The following POSTN variants were observed in gnomAD, a reference collection of about 807,000 sequenced individuals.
POSTN encodes periostin.
A neutral mutation model predicts 104.5 loss-of-function variants in POSTN; 71 were observed. That is an observed-to-expected ratio of 0.68 (90% confidence interval 0.56 to 0.83). The LOEUF (loss-of-function observed/expected upper bound fraction) is 0.83. POSTN is among the 40% of genes least tolerant of loss of function. POSTN has a pLI of 0.00. For synonymous variants in POSTN, 355 were observed against 340.7 expected (o/e 1.04, Z -0.46); for missense variants, 949 against 1,006.8 (o/e 0.94, Z 0.78).
In POSTN at chr13:37,582,260, A is replaced by G. The variant is rs1172073630; in HGVS notation, c.1392+106T>C. On this transcript the variant is annotated intron_variant, in intron 10 of 22. Coordinates refer to ENST00000379747, the MANE Select transcript of POSTN (RefSeq NM_006475.3). ...CCAGTTCCCTGATGCTTCTATGAAT[A>G]TTTACTATTAGAACCACACTCATAA... 3.1e-6 allele frequency: 4 copies of G among 1,295,508 alleles called. No individual in the cohort carries two copies. The African/African-American group carries it at 4.5e-5, about 14-fold the overall frequency. The allele number at this position is 1,295,508 out of a possible 1,614,324, so 80.3% of individuals were successfully genotyped here.
chr13:37,575,300 G>C (rs1054761229), intron 16 of POSTN, among the ~76,000 whole-genome samples: 1 of 148,942 alleles, frequency 6.7e-6, no homozygotes, highest in African/African-American at 2.5e-5. Flanking sequence ...TAATTTAAAG[G>C]TATATATTTT....
At chr13:37,580,865 C>T (rs1950565487) in intron 10 of POSTN, among the ~76,000 whole-genome samples, 168 bp from the exon 11 acceptor site, 1 of 152,170 alleles carries the variant, frequency 6.6e-6, no homozygotes, top group Non-Finnish European at 1.5e-5. Context: ...CACACAAACT[C>T]ACAAGACACT....
intron 4 of POSTN, among the ~76,000 whole-genome samples, chr13:37,589,878 C>G (rs949746600): frequency 6.6e-6 from 1 of 151,998 alleles, no homozygotes; most frequent in African/African-American, 2.4e-5. Flanking sequence ...GTCTGAAAAT[C>G]AAATGTATTT....
intron 21 of POSTN, among the ~76,000 whole-genome samples, chr13:37,566,426 A>G (rs1197604317): frequency 6.6e-6 from 1 of 152,156 alleles, no homozygotes; most frequent in African/African-American, 2.4e-5. Context: ...TGTTAATGTC[A>G]ATTGATGATT....
chr13:37,597,415 A>G, intron 1 of POSTN, 133 bp from the exon 2 acceptor site: 1 of 626,066 alleles, frequency 1.6e-6, no homozygotes, highest in Admixed American at 3.8e-5. Context: ...AGCCTTGCAC[A>G]AATCTAATTA....
rs191448487 is a variant in POSTN, at chr13:37,580,609, G to C, written c.1481C>G (p.Pro494Arg). The C allele has an allele frequency of 4.3e-6, 7 of 1,613,990 alleles. No individual in the cohort carries two copies. The East Asian group carries it at 1.6e-4, about 36-fold the overall frequency. ...CTTTTCATGGAGGGATTTCTCTGCT[G>C]GCTTGATGATCTCGCGGAATATGTG... The part of the protein sequence containing the change: ...AIHIFREIIK[P>R]AEKSLHEKLK... The change falls in exon 11 of 23, where the codon CCA becomes CGA. Residue 494 changes from proline (P) to arginine (R), a missense_variant. By Grantham distance (103) the Pro-to-Arg change is moderately radical. Transcript: ENST00000379747.
At chr13:37,574,769 A>G in intron 16 of POSTN, 117 bp from the exon 17 acceptor site, 1 of 1,301,606 alleles carries the variant, frequency 7.7e-7, no homozygotes, top group South Asian at 1.7e-5. Flanking sequence ...AGGATGTGGT[A>G]ATATGTTCAG....
intron 2 of POSTN, among the ~76,000 whole-genome samples, chr13:37,593,789 A>G (rs1240076748): frequency 6.6e-6 from 1 of 151,604 alleles, no homozygotes; most frequent in African/African-American, 2.4e-5. Context: ...ATGATATAAA[A>G]GATGATTTTA....
intron 3 of POSTN, 32 bp from the exon 4 acceptor site, chr13:37,590,561 G>A (rs914456575): frequency 6.5e-7 from 1 of 1,532,798 alleles, no homozygotes; most frequent in African/African-American, 1.4e-5. Flanking sequence ...TCAGTACTGG[G>A]GATAATATTC....
At position 37,590,321 on chromosome 13, in the gene POSTN, AAATAAC is replaced by A. The variant is rs777704760; in HGVS notation, c.441+45_441+50del. ...CCAAGTTAATAAGTCAGTTAAAATG[AAATAAC>A]AATAACAGCAAAAAATAAATATATT... On this transcript the variant is annotated intron_variant, in intron 4 of 22. Coordinates refer to ENST00000379747, the MANE Select transcript of POSTN (RefSeq NM_006475.3). 5.0e-6 allele frequency: 7 copies of A among 1,398,452 alleles called. No individual in the cohort carries two copies. In the South Asian group the frequency reaches 5.8e-5, roughly 11 times the overall value. The allele number at this position is 1,398,452 out of a possible 1,614,324, so 86.6% of individuals were successfully genotyped here. A position where few individuals can be genotyped will look rare whatever the true frequency, so the allele number is the denominator to read the frequency against.
intron 17 of POSTN, among the ~76,000 whole-genome samples, chr13:37,574,321 G>T (rs189955745): frequency 6.6e-6 from 1 of 151,828 alleles, no homozygotes; most frequent in Non-Finnish European, 1.5e-5. Flanking sequence ...CTAAGTTAAT[G>T]CAATGCCAAT....
rs1950768178 is a variant in POSTN, at chr13:37,587,055, T to C, written c.607-127A>G. On this transcript the variant is annotated intron_variant, in intron 5 of 22. Coordinates refer to ENST00000379747, the MANE Select transcript of POSTN (RefSeq NM_006475.3). ...AACATACAGGAAACTACATTGTAAA[T>C]GTAAACGCTGTGGATGAAGATTTAC... 4 of 751,162 alleles carry C rather than the reference T, an allele frequency of 5.3e-6. No individual in the cohort carries two copies. In the South Asian group the frequency reaches 5.4e-5, roughly 10 times the overall value. The allele number at this position is 751,162 out of a possible 1,614,324, so 46.5% of individuals were successfully genotyped here.
chr13:37,586,732 G>C (rs1950756994), intron 6 of POSTN, 50 bp downstream of exon 6: 5 of 1,517,392 alleles, frequency 3.3e-6, no homozygotes, highest in Non-Finnish European at 4.5e-6. Flanking sequence ...ATTTTGACAG[G>C]AGAAGAAGAG....
chr13:37,588,627 TA>T, intron 4 of POSTN, among the ~76,000 whole-genome samples: 1 of 152,302 alleles, frequency 6.6e-6, no homozygotes. Flanking sequence ...AGTTTGGAGA[TA>T]GACCATGAGA....
At chr13:37,592,281 GT>G (rs67303425) in intron 2 of POSTN, 117 bp from the exon 3 acceptor site, 358,748 of 635,130 alleles carry the variant, frequency 0.56, 104,397 homozygotes, top group East Asian at 0.79. Context: ...TAAAAATCAG[GT>G]TTTTTTTCCC....
intron 17 of POSTN, among the ~76,000 whole-genome samples, chr13:37,572,531 A>G (rs1950291335): frequency 1.3e-5 from 2 of 151,644 alleles, no homozygotes; most frequent in Admixed American, 1.3e-4. Context: ...TTAATAAAAT[A>G]TCTAAATCAA....
chr13:37,581,437 G>C (rs1004348551), intron 10 of POSTN, among the ~76,000 whole-genome samples: 11 of 152,282 alleles, frequency 7.2e-5, no homozygotes, highest in African/African-American at 2.2e-4. Context: ...ATGTATGTTA[G>C]GGCTGGGTGC....
chr13:37,579,397 T>G (rs1309144556), intron 12 of POSTN, 38 bp from the exon 13 acceptor site: 2 of 1,482,646 alleles, frequency 1.3e-6, no homozygotes, highest in Non-Finnish European at 1.9e-6. Context: ...TTGAATAATA[T>G]GACTTTTTGA....
rs777895150 is a variant in POSTN, at chr13:37,584,737, G to T, written c.1087C>A (p.Gln363Lys). 1.9e-5 allele frequency: 31 copies of T among 1,613,566 alleles called. No individual in the cohort carries two copies. Among genetic ancestry groups the T allele is most frequent in the Non-Finnish European group, 2.5e-5 (30 of 1,179,772 alleles). Residue 363 changes from glutamine (Q) to lysine (K), a missense_variant, in exon 8 of 23, where the codon CAG becomes AAG. Physicochemically the swap from Gln to Lys is moderately conservative, Grantham distance 53. Coordinates refer to ENST00000379747, the MANE Select transcript of POSTN (RefSeq NM_006475.3). The stretch of plus-strand genomic sequence containing the variant: ...TTACCAGAATCAGGAATTAGGACCT[G>T]ATCAATCAAATGGATCACACCATTA... Reference protein sequence around the residue: ...TNNGVIHLIDQVLIPDSAKQV... With the variant: ...TNNGVIHLIDKVLIPDSAKQV...
Sources: gnomAD v4.1 joint callset for allele counts (sites outside exome capture counted in the v4.1 genomes callset) on GRCh38, gnomAD v4.1.1 for gene constraint, MANE v1.5 for transcripts, NCBI Gene and HGNC (gene_info 2026-07-23, HGNC 2026-07-21) for gene names.